Variants in NEK10 observed in about 807,000 individuals in gnomAD.
The protein encoded by NEK10 is serine/threonine-protein kinase Nek10.
NEK10 carries 122 observed loss-of-function variants against 159.8 expected under a neutral mutation model. The observed-to-expected ratio is 0.76, with a 90% confidence interval of 0.66 to 0.89. The LOEUF (loss-of-function observed/expected upper bound fraction) is 0.89, where lower values mean the gene tolerates loss of function less well. NEK10 is among the 40% of genes least tolerant of loss of function. NEK10 has a pLI of 0.00. For missense variants in NEK10, 1,342 were observed against 1,323.1 expected (o/e 1.01, Z -0.22); for synonymous variants, 466 against 457.1 (o/e 1.02, Z -0.25).
chr3:27,161,512 C>A (rs1354317978), intron 30 of NEK10, among the ~76,000 whole-genome samples: 1 of 152,140 alleles, frequency 6.6e-6, no homozygotes, highest in Non-Finnish European at 1.5e-5. Flanking sequence ...AAACAATAAT[C>A]CCAAATTAAC....
Position 27,141,654 on chromosome 3 carries a change from A to T in NEK10, c.2870-72T>A. On this transcript the variant is annotated intron_variant, in intron 30 of 35. Transcript: ENST00000691995. ...TACATTAGTGAAAAAATGAAGTAAAATTCTAACACAAATTTTAAAGCAAAG... is the reference window on the plus strand; with the variant it reads ...TACATTAGTGAAAAAATGAAGTAAATTTCTAACACAAATTTTAAAGCAAAG... 3.4e-6 allele frequency: 4 copies of T among 1,169,236 alleles called. No individual in the cohort carries two copies. The South Asian group carries it at 5.2e-5, about 15-fold the overall frequency. The allele number at this position is 1,169,236 out of a possible 1,614,324, so 72.4% of individuals were successfully genotyped here.
chr3:27,123,423 C>T (rs1941558035), intron 32 of NEK10, among the ~76,000 whole-genome samples: 1 of 151,902 alleles, frequency 6.6e-6, no homozygotes, highest in African/African-American at 2.4e-5. Context: ...TTGGGCATTG[C>T]ATATTAATGG....
At chr3:27,190,956 T>C (rs968161916) in intron 26 of NEK10, among the ~76,000 whole-genome samples, 2 of 152,218 alleles carry the variant, frequency 1.3e-5, no homozygotes, top group South Asian at 2.1e-4. Context: ...ATAATCATCA[T>C]GGAATGTTCT....
At chr3:27,159,840 A>G (rs1415229148) in intron 30 of NEK10, among the ~76,000 whole-genome samples, 2 of 151,792 alleles carry the variant, frequency 1.3e-5, no homozygotes, top group African/African-American at 4.8e-5. Context: ...AGGCAAGATC[A>G]TATTACAATA....
At chr3:27,154,879 A>T (rs569413636) in intron 30 of NEK10, among the ~76,000 whole-genome samples, 1 of 152,290 alleles carries the variant, frequency 6.6e-6, no homozygotes, top group Admixed American at 6.5e-5. Flanking sequence ...TCTCTCTGAG[A>T]ACTGGAACAA....
rs765675089 is a variant in NEK10, at chr3:27,162,398, C to T, written c.2869+303G>A. 3.2e-6 allele frequency: 5 copies of T among 1,585,516 alleles called. No individual in the cohort carries two copies. The African/African-American group carries it at 4.0e-5, about 13-fold the overall frequency. On this transcript the variant is annotated intron_variant, in intron 30 of 35. Coordinates refer to ENST00000691995, the MANE Select transcript of NEK10 (RefSeq NM_001394966.1). ...CAAGCATCGTTCAGACATCTCAGGC[C>T]CAACTATAATTCTGCATTTGCCCAT...
At chr3:27,368,776 G>A (rs564135860) in intron 1 of NEK10, among the ~76,000 whole-genome samples, 117 of 152,212 alleles carry the variant, frequency 7.7e-4, no homozygotes, top group African/African-American at 2.3e-3. Flanking sequence ...TGGTGCCTGA[G>A]GCGAGGAAGT....
chr3:27,243,098 G>T (rs1954724713), intron 23 of NEK10, among the ~76,000 whole-genome samples: 1 of 151,836 alleles, frequency 6.6e-6, no homozygotes, highest in African/African-American at 2.4e-5. Context: ...CAAAATATTG[G>T]CCTTCTAACT....
intron 22 of NEK10, among the ~76,000 whole-genome samples, chr3:27,280,577 C>T (rs990840509): frequency 2.5e-4 from 38 of 152,110 alleles, no homozygotes; most frequent in Admixed American, 1.6e-3. Flanking sequence ...AGCAAACAGG[C>T]GCACATACCC....
chr3:27,331,534 C>T (rs1204728110), intron 5 of NEK10, among the ~76,000 whole-genome samples: 1 of 152,192 alleles, frequency 6.6e-6, no homozygotes, highest in African/African-American at 2.4e-5. Flanking sequence ...GAGATTGTCC[C>T]TGCATCCTAA....
At position 27,308,948 on chromosome 3, in the gene NEK10, C is replaced by A. The variant is rs202150339; in HGVS notation, c.694G>T (p.Ala232Ser). 6.3e-7 allele frequency: 1 copy of A among 1,595,530 alleles called. No homozygotes were observed. The highest frequency in any genetic ancestry group is 1.3e-5 in the African/African-American group (1 of 74,612). ...DTNVLLGSLL[A>S]LASLAESQEC... is the part of the protein sequence containing the mutation. ...TACCTTTCTGCTAAACTAGCCAGAG[C>A]CAGAAGGGAACCCAATAGAACATTA... is the stretch of plus-strand genomic sequence containing the variant. Residue 232 changes from alanine (A) to serine (S), a missense_variant, in exon 10 of 36, where the codon GCT becomes TCT. Coordinates refer to ENST00000691995, the MANE Select transcript of NEK10 (RefSeq NM_001394966.1).
intron 33 of NEK10, among the ~76,000 whole-genome samples, chr3:27,117,134 A>C (rs111462034): frequency 1.6e-4 from 25 of 152,160 alleles, no homozygotes; most frequent in African/African-American, 5.6e-4. Context: ...AGCTCCATCC[A>C]TGTCCCTGCA....
intron 1 of NEK10, among the ~76,000 whole-genome samples, chr3:27,362,302 G>GT (rs2048746638): frequency 6.6e-6 from 1 of 152,140 alleles, no homozygotes; most frequent in Non-Finnish European, 1.5e-5. Flanking sequence ...GGGAAAAGGA[G>GT]TAAGTGGCAG....
At chr3:27,320,436 T>A (rs2045537832) in intron 6 of NEK10, among the ~76,000 whole-genome samples, 2 of 152,206 alleles carry the variant, frequency 1.3e-5, no homozygotes, top group Admixed American at 6.5e-5. Flanking sequence ...ATATAATGTT[T>A]TCATCTAAAC....
At chr3:27,364,888 A>G (rs9843350) in intron 1 of NEK10, among the ~76,000 whole-genome samples, 8,718 of 152,262 alleles carry the variant, frequency 0.057, 504 homozygotes, top group African/African-American at 0.15. Flanking sequence ...ACATTACCTA[A>G]TGTAACACTC....
At chr3:27,221,937 A>T (rs547382507) in intron 23 of NEK10, among the ~76,000 whole-genome samples, 1 of 152,352 alleles carries the variant, frequency 6.6e-6, no homozygotes, top group South Asian at 2.1e-4. Context: ...ATGTTGAATG[A>T]ATAGTTACAT....
intron 30 of NEK10, among the ~76,000 whole-genome samples, chr3:27,150,078 G>C (rs1368936794): frequency 3.9e-5 from 6 of 152,206 alleles, no homozygotes; most frequent in African/African-American, 1.4e-4. Context: ...ACTCTATGAA[G>C]TCTGAGAGAG....
intron 5 of NEK10, among the ~76,000 whole-genome samples, chr3:27,337,029 G>T (rs999724141): frequency 6.8e-6 from 1 of 148,052 alleles, no homozygotes; most frequent in East Asian, 1.9e-4. Flanking sequence ...TACACATTTG[G>T]CGGGGGGGAA....
At chr3:27,222,864 T>C (rs914013929) in intron 23 of NEK10, among the ~76,000 whole-genome samples, 1 of 152,012 alleles carries the variant, frequency 6.6e-6, no homozygotes, top group Non-Finnish European at 1.5e-5. Flanking sequence ...TTTACACATG[T>C]CCAAATTGTA....
Sources: allele counts gnomAD v4.1 joint callset (sites outside exome capture counted in the v4.1 genomes callset), GRCh38; gene constraint gnomAD v4.1.1; transcripts MANE v1.5; gene names NCBI Gene and HGNC (gene_info 2026-07-23, HGNC 2026-07-21).